Variants in NUP98 observed in about 807,000 individuals in gnomAD.
NUP98 encodes the protein nucleoporin 98 and 96 precursor.
In NUP98, 26 loss-of-function variants were observed where a neutral mutation model predicts 191.9. That is an observed-to-expected ratio of 0.14 (90% CI 0.10 to 0.19). The LOEUF (loss-of-function observed/expected upper bound fraction) is 0.19. Among genes scored for constraint, NUP98 ranks in the 10% least tolerant of loss-of-function variants. NUP98 has a pLI of 1.00. For synonymous variants in NUP98, 808 were observed against 778.4 expected (o/e 1.04, Z -0.63); for missense variants, 1,941 against 2,178.8 (o/e 0.89, Z 2.17).
At chr11:3,721,311 C>T (rs1222538108) in intron 16 of NUP98, among the ~76,000 whole-genome samples, 1 of 152,154 alleles carries the variant, frequency 6.6e-6, no homozygotes, top group Non-Finnish European at 1.5e-5. Context: ...AGATATAAAA[C>T]TCCAAACCCA....
At chr11:3,737,238 TC>T (rs2134321140) in intron 12 of NUP98, among the ~76,000 whole-genome samples, 1 of 147,738 alleles carries the variant, frequency 6.8e-6, no homozygotes, top group Non-Finnish European at 1.5e-5. Context: ...AATACAATAA[TC>T]CACAGTAAAG....
At chr11:3,735,348 C>CAA (rs745881771) in intron 12 of NUP98, 24 bp from the exon 13 acceptor site, 11 of 1,217,808 alleles carry the variant, frequency 9.0e-6, no homozygotes, top group Middle Eastern at 3.0e-4. Context: ...AAAAAGAAAA[C>CAA]AAAATATATA....
At chr11:3,718,589 C>T (rs1178414115) in intron 18 of NUP98, among the ~76,000 whole-genome samples, 1 of 151,598 alleles carries the variant, frequency 6.6e-6, no homozygotes, top group Non-Finnish European at 1.5e-5. Context: ...AGAAAAGAAG[C>T]GGAAGGGGAA....
chr11:3,683,233 A>G lies in NUP98; in HGVS notation c.4885T>C (p.Cys1629Arg), dbSNP rs2078029927. The change falls in exon 30 of 33, where the codon TGC (cysteine) becomes CGC (arginine). Residue 1629 changes from cysteine to arginine, a missense_variant. Cys to Arg is a radical substitution (Grantham distance 180). Coordinates refer to ENST00000324932, the MANE Select transcript of NUP98 (RefSeq NM_016320.5). The part of the protein sequence containing the change: ...CLFKAEHWNR[C>R]HKLIIRHLAS... ...AAGTGTCGGATGATGAGCTTGTGGC[A>G]GCGGTTCCAGTGCTCAGCCTTAAAT... is the stretch of plus-strand genomic sequence containing the variant. The G allele has an allele frequency of 1.9e-6, 3 of 1,614,182 alleles. No homozygotes were observed. The South Asian group carries it at 3.3e-5, about 18-fold the overall frequency.
intron 1 of NUP98, among the ~76,000 whole-genome samples, chr11:3,791,129 T>G (rs1018135262): frequency 2.6e-5 from 4 of 151,990 alleles, no homozygotes; most frequent in Admixed American, 2.6e-4. Context: ...TCTCCTGACC[T>G]TGTGATCCGC....
chr11:3,739,711 CAT>C lies in NUP98; in HGVS notation c.1409-4389_1409-4388del, dbSNP rs1479349478. 3.3e-5 allele frequency among the ~76,000 whole-genome samples: 5 copies of C among 152,152 alleles called. No individual in the cohort carries two copies. The East Asian group carries it at 5.8e-4, about 18-fold the overall frequency. On this transcript the variant is annotated intron_variant, in intron 12 of 32. Transcript: ENST00000324932. ...ACAATGGGAAGGTGGCAAATGAACA[CAT>C]GAGAAAATCTAACAAATTTCTAGGG... is the stretch of plus-strand genomic sequence containing the variant.
intron 2 of NUP98, among the ~76,000 whole-genome samples, chr11:3,780,355 C>G (rs1266525394): frequency 6.7e-6 from 1 of 148,894 alleles, no homozygotes; most frequent in Non-Finnish European, 1.5e-5. Context: ...ACGGTGAAAC[C>G]CTGTCTCCAC....
intron 25 of NUP98, among the ~76,000 whole-genome samples, chr11:3,698,372 G>A (rs1031432561): frequency 2.0e-5 from 3 of 152,110 alleles, no homozygotes; most frequent in Non-Finnish European, 4.4e-5. Context: ...TATTACAAAT[G>A]TAATATAAAA....
Position 3,683,484 on chromosome 11 carries a change from T to A in NUP98, c.4677-43A>T, listed in dbSNP as rs778139902. 3 of 1,606,556 alleles carry A rather than the reference T, an allele frequency of 1.9e-6. No individual in the cohort carries two copies. In the Admixed American group the frequency reaches 5.1e-5, roughly 27 times the overall value. ...CTAGAATAAATCCCATCCTCATTCATGGAGAAGGCTGCCCCAGGCAGCTTA... is the reference window on the plus strand; with the variant it reads ...CTAGAATAAATCCCATCCTCATTCAAGGAGAAGGCTGCCCCAGGCAGCTTA... On this transcript the variant is annotated intron_variant, in intron 29 of 32. Coordinates refer to ENST00000324932, the MANE Select transcript of NUP98 (RefSeq NM_016320.5).
chr11:3,743,646 C>CAAA (rs34382341), intron 12 of NUP98, among the ~76,000 whole-genome samples: 3 of 49,414 alleles, frequency 6.1e-5, no homozygotes, highest in African/African-American at 2.0e-4. Flanking sequence ...AACTCCATCT[C>CAAA]AAAAAAAAAA....
intron 7 of NUP98, among the ~76,000 whole-genome samples, chr11:3,770,598 T>C (rs569910137): frequency 4.6e-5 from 7 of 152,080 alleles, no homozygotes; most frequent in Non-Finnish European, 1.0e-4. Flanking sequence ...TAGAAGGCTA[T>C]GAAAAGCTAT....
chr11:3,706,215 G>T (rs1308423653), intron 21 of NUP98, among the ~76,000 whole-genome samples: 1 of 151,992 alleles, frequency 6.6e-6, no homozygotes, highest in African/African-American at 2.4e-5. Context: ...TAGGACTCTG[G>T]ATTCTAATGC....
At chr11:3,741,212 GA>G (rs2134352562) in intron 12 of NUP98, among the ~76,000 whole-genome samples, 1 of 152,008 alleles carries the variant, frequency 6.6e-6, no homozygotes, top group East Asian at 1.9e-4. Context: ...AGGAACAGAA[GA>G]ACGCTAAAAA....
chr11:3,715,790 A>ATT (rs34966066), intron 18 of NUP98, among the ~76,000 whole-genome samples: 44 of 151,358 alleles, frequency 2.9e-4, no homozygotes, highest in African/African-American at 7.8e-4. Flanking sequence ...ACTACTTAAA[A>ATT]TTTTTTTTTG....
At chr11:3,737,203 A>T (rs1176277558) in intron 12 of NUP98, among the ~76,000 whole-genome samples, 1 of 152,090 alleles carries the variant, frequency 6.6e-6, no homozygotes, top group Non-Finnish European at 1.5e-5. Context: ...ATAAACATTT[A>T]CAAATAAAGT....
chr11:3,743,872 T>A (rs2080386702), intron 12 of NUP98, among the ~76,000 whole-genome samples: 1 of 150,910 alleles, frequency 6.6e-6, no homozygotes, highest in African/African-American at 2.4e-5. Flanking sequence ...GCGAACATGG[T>A]GAAACCCTGT....
At chr11:3,764,925 T>A (rs1482396248) in intron 8 of NUP98, among the ~76,000 whole-genome samples, 1 of 152,202 alleles carries the variant, frequency 6.6e-6, no homozygotes, top group Non-Finnish European at 1.5e-5. Flanking sequence ...AAAGTGGTTA[T>A]CTCATTTTGG....
chr11:3,744,700 T>C (rs2080427263), intron 11 of NUP98, 51 bp from the exon 12 acceptor site: 3 of 1,562,260 alleles, frequency 1.9e-6, no homozygotes, highest in African/African-American at 1.4e-5. Context: ...CCTTTCAATG[T>C]TGTGCCAGAG....
chr11:3,682,539 T>C lies in NUP98; in HGVS notation c.4918+661A>G, dbSNP rs180981448. On this transcript the variant is annotated intron_variant, in intron 30 of 32. Transcript: ENST00000324932. ...CCAAAGAGAGGGAAAGAGATGGGGA[T>C]GACCAGTTGATGGAGCAGCCAGAAT... Among the ~76,000 whole-genome samples the C allele has an allele frequency of 1.0e-3, 157 of 152,304 alleles. 2 individuals carry two copies. Among genetic ancestry groups the C allele is most frequent in the African/African-American group, 3.4e-3 (140 of 41,566 alleles).
Sources: allele counts gnomAD v4.1 joint callset (sites outside exome capture counted in the v4.1 genomes callset), GRCh38; gene constraint gnomAD v4.1.1; transcripts MANE v1.5; gene names NCBI Gene and HGNC (gene_info 2026-07-23, HGNC 2026-07-21).